The following PATJ variants were observed in gnomAD, a reference collection of about 807,000 sequenced individuals.
The protein encoded by PATJ is inaD-like protein.
Under a neutral mutation model 224.9 loss-of-function variants are expected in PATJ, and 190 were observed. That is an observed-to-expected ratio of 0.84 (90% CI 0.75 to 0.95). The LOEUF (loss-of-function observed/expected upper bound fraction) is 0.95. Ranked by LOEUF, PATJ falls within the 40% of genes least tolerant of loss-of-function variation. The pLI is 0.00. For synonymous variants in PATJ, 769 were observed against 820.3 expected (o/e 0.94, Z 1.07); for missense variants, 2,121 against 2,270.3 (o/e 0.93, Z 1.34).
intron 15 of PATJ, 68 bp from the exon 16 acceptor site, chr1:61,827,354 T>C: frequency 1.5e-6 from 2 of 1,366,116 alleles, no homozygotes; most frequent in South Asian, 3.6e-5. Flanking sequence ...TAGATGGATA[T>C]AAATAAGAGA....
At chr1:61,794,092 G>T (rs1650503817) in intron 9 of PATJ, among the ~76,000 whole-genome samples, 1 of 152,022 alleles carries the variant, frequency 6.6e-6, no homozygotes, top group Admixed American at 6.6e-5. Context: ...AGTAGAAACA[G>T]GGTTTTGCCA....
chr1:62,017,306 C>T (rs1439757949), intron 28 of PATJ, among the ~76,000 whole-genome samples: 7 of 151,450 alleles, frequency 4.6e-5, no homozygotes, highest in African/African-American at 9.7e-5. Flanking sequence ...CCCAGCTACT[C>T]GGGAGGCTGA....
chr1:61,920,944 G>C (rs528607479), intron 26 of PATJ, among the ~76,000 whole-genome samples: 1 of 152,138 alleles, frequency 6.6e-6, no homozygotes, highest in Non-Finnish European at 1.5e-5. Flanking sequence ...GACCTCAGGT[G>C]ATCCACCCGC....
At chr1:62,131,705 T>C (rs1319874096) in intron 41 of PATJ, among the ~76,000 whole-genome samples, 1 of 151,916 alleles carries the variant, frequency 6.6e-6, no homozygotes, top group Non-Finnish European at 1.5e-5. Context: ...GAAGATCACT[T>C]GAGCCCAAGA....
chr1:62,051,363 GCAGTGGCTGGAGCA>G (rs1418703494), intron 31 of PATJ, among the ~76,000 whole-genome samples: 1 of 152,020 alleles, frequency 6.6e-6, no homozygotes, highest in East Asian at 1.9e-4. Flanking sequence ...AGGCTGGAGC[GCAGTGGCTGGAGCA>G]CAGTGGTGCA....
chr1:62,136,021 T>A (rs1232720780), intron 41 of PATJ, among the ~76,000 whole-genome samples: 1 of 135,848 alleles, frequency 7.4e-6, no homozygotes, highest in African/African-American at 2.7e-5. Context: ...TTAGATTTTT[T>A]TTTTTTTTTT....
intron 6 of PATJ, among the ~76,000 whole-genome samples, chr1:61,772,215 A>G (rs905706207): frequency 6.7e-6 from 1 of 148,570 alleles, no homozygotes; most frequent in Non-Finnish European, 1.5e-5. Context: ...AGTGATGGAG[A>G]GTCTTGTATT....
intron 28 of PATJ, among the ~76,000 whole-genome samples, chr1:61,997,783 G>GT (rs1433594998): frequency 1.6e-5 from 2 of 125,438 alleles, no homozygotes; most frequent in African/African-American, 6.3e-5. Context: ...TATGTGTGCG[G>GT]TTTTTTGTTT....
chr1:61,845,481 T>G (rs1013327211), intron 17 of PATJ, among the ~76,000 whole-genome samples: 2 of 152,232 alleles, frequency 1.3e-5, no homozygotes, highest in Admixed American at 1.3e-4. Context: ...TCTTGAAGCC[T>G]TATGATCCCT....
At chr1:62,019,523 A>T (rs142435720) in intron 29 of PATJ, among the ~76,000 whole-genome samples, 1,562 of 152,074 alleles carry the variant, frequency 0.01, 13 homozygotes, top group Middle Eastern at 0.031. Context: ...TGTCTCAAAA[A>T]AAAAAAGGAA....
intron 6 of PATJ, among the ~76,000 whole-genome samples, chr1:61,774,878 C>T (rs1443467951): frequency 1.3e-5 from 2 of 152,132 alleles, no homozygotes; most frequent in Non-Finnish European, 2.9e-5. Context: ...CTACTATGTG[C>T]TGGGCCCTGT....
chr1:61,794,180 G>A (rs1650527067), intron 9 of PATJ, among the ~76,000 whole-genome samples: 1 of 151,482 alleles, frequency 6.6e-6, no homozygotes, highest in African/African-American at 2.4e-5. Context: ...GGGATTACAG[G>A]CGTGAGCCAC....
intron 20 of PATJ, 136 bp downstream of exon 20, chr1:61,864,769 T>A (rs537076756): frequency 1.8e-5 from 12 of 676,190 alleles, no homozygotes; most frequent in Middle Eastern, 2.5e-4. Flanking sequence ...ACAAGATGTG[T>A]CATCCAGTGT....
chr1:61,813,354 T>TATATATAG (rs1655274921), intron 14 of PATJ, among the ~76,000 whole-genome samples: 1 of 43,656 alleles, frequency 2.3e-5, no homozygotes, highest in Non-Finnish European at 4.5e-5. Context: ...TATATATATA[T>TATATATAG]ATATATATAT....
In PATJ at chr1:61,745,321, C is replaced by G. The variant is rs142565500; in HGVS notation, c.-36+2766C>G. Among the ~76,000 whole-genome samples the G allele has an allele frequency of 5.7e-3, 875 of 152,266 alleles. 6 individuals carry two copies. The highest frequency in any genetic ancestry group is 9.9e-3 in the Non-Finnish European group (673 of 68,028). On this transcript the variant is annotated intron_variant, in intron 1 of 43. Transcript: ENST00000642238. The stretch of plus-strand genomic sequence containing the variant: ...ACAGAGTCTTGCTCCGCTGCCCAGG[C>G]TGGAGTGCAGTGGGTGATCTCAGCT...
chr1:61,835,183 G>A (rs1421040301), intron 17 of PATJ, among the ~76,000 whole-genome samples: 1 of 152,004 alleles, frequency 6.6e-6, no homozygotes, highest in African/African-American at 2.4e-5. Flanking sequence ...CAAATATTTT[G>A]GAAAATATAT....
At chr1:61,781,655 C>T (rs1647357715) in intron 7 of PATJ, among the ~76,000 whole-genome samples, 1 of 152,170 alleles carries the variant, frequency 6.6e-6, no homozygotes, top group African/African-American at 2.4e-5. Flanking sequence ...GGCTTGAATT[C>T]TGGATCCACC....
At chr1:61,813,082 G>A (rs1181588062) in intron 14 of PATJ, among the ~76,000 whole-genome samples, 1 of 151,624 alleles carries the variant, frequency 6.6e-6, no homozygotes, top group Non-Finnish European at 1.5e-5. Context: ...CCCTGATCAG[G>A]CTCCATTCAT....
intron 26 of PATJ, among the ~76,000 whole-genome samples, chr1:61,920,168 T>C (rs1674077934): frequency 6.6e-6 from 1 of 152,206 alleles, no homozygotes; most frequent in Admixed American, 6.5e-5. Flanking sequence ...ATATCATCCT[T>C]GGGAAATTGG....
Sources: gnomAD v4.1 joint callset for allele counts (sites outside exome capture counted in the v4.1 genomes callset) on GRCh38, gnomAD v4.1.1 for gene constraint, MANE v1.5 for transcripts, NCBI Gene and HGNC (gene_info 2026-07-23, HGNC 2026-07-21) for gene names.